The following SPMIP2 variants were observed in gnomAD, a reference collection of about 807,000 sequenced individuals.
The protein encoded by SPMIP2 is protein SPMIP2.
At chr4:159,079,607 G>A in the SPMIP2 span, among the ~76,000 whole-genome samples, 4 of 152,240 alleles carry the variant, frequency 2.6e-5, no homozygotes, top group African/African-American at 9.6e-5. Context: ...CTGTTTTCAT[G>A]GCAAATTGTT....
chr4:159,050,426 G>C, the SPMIP2 span, among the ~76,000 whole-genome samples: 1 of 151,924 alleles, frequency 6.6e-6, no homozygotes, highest in African/African-American at 2.4e-5. Context: ...GATGGGTTAG[G>C]AGTAAGGATC....
chr4:159,072,663 A>G, the SPMIP2 span, among the ~76,000 whole-genome samples: 4 of 151,854 alleles, frequency 2.6e-5, no homozygotes, highest in Non-Finnish European at 5.9e-5. Context: ...GGGTTTCGCC[A>G]TATTGCCTAG....
chr4:159,050,661 G>A, the SPMIP2 span, among the ~76,000 whole-genome samples: 50,161 of 151,522 alleles, frequency 0.33, 8,770 homozygotes, highest in East Asian at 0.65. Flanking sequence ...AATTAGCCAT[G>A]GTGTGTGCCT....
At chr4:158,981,623 G>A in the SPMIP2 span, among the ~76,000 whole-genome samples, 1 of 152,026 alleles carries the variant, frequency 6.6e-6, no homozygotes, top group African/African-American at 2.4e-5. Flanking sequence ...GTAAGTGAAG[G>A]AGAAATAAAA....
At chr4:158,972,952 C>T in the SPMIP2 span, 1 of 666,176 alleles carries the variant, frequency 1.5e-6, no homozygotes. Flanking sequence ...TGTCTTTCTG[C>T]AAAACTCAAA....
the SPMIP2 span, among the ~76,000 whole-genome samples, chr4:158,971,536 T>TA: frequency 6.6e-6 from 1 of 152,208 alleles, no homozygotes; most frequent in Non-Finnish European, 1.5e-5. Context: ...ATACTAAATT[T>TA]AATGAGTTAC....
chr4:158,997,229 G>A, the SPMIP2 span, among the ~76,000 whole-genome samples: 68 of 146,746 alleles, frequency 4.6e-4, no homozygotes, highest in African/African-American at 1.6e-3. Context: ...TTGTGAATAT[G>A]GCTTTTTTTT....
At chr4:158,997,922 G>T in the SPMIP2 span, among the ~76,000 whole-genome samples, 1 of 152,116 alleles carries the variant, frequency 6.6e-6, no homozygotes, top group Non-Finnish European at 1.5e-5. Flanking sequence ...CTCCCAAAGT[G>T]CTGGGATTAC....
the SPMIP2 span, among the ~76,000 whole-genome samples, chr4:159,066,497 AATGT>A: frequency 6.6e-6 from 1 of 151,606 alleles, no homozygotes; most frequent in Non-Finnish European, 1.5e-5. Context: ...GAATGTGTGG[AATGT>A]ATGTATGTGT....
the SPMIP2 span, among the ~76,000 whole-genome samples, chr4:159,062,230 T>C: frequency 3.3e-5 from 5 of 152,206 alleles, no homozygotes; most frequent in African/African-American, 4.8e-5. Context: ...AGTTACCTCT[T>C]GATTGTTCCC....
At chr4:159,081,136 C>T in the SPMIP2 span, among the ~76,000 whole-genome samples, 1 of 151,088 alleles carries the variant, frequency 6.6e-6, no homozygotes, top group Admixed American at 6.6e-5. Flanking sequence ...CTCCCGGGTT[C>T]AAGTGATTCT....
chr4:159,031,521 T>C, the SPMIP2 span, among the ~76,000 whole-genome samples: 2 of 152,220 alleles, frequency 1.3e-5, no homozygotes, highest in Non-Finnish European at 2.9e-5. Context: ...ATGCAATGTG[T>C]GTTGGATCCT....
At chr4:159,026,628 C>A in the SPMIP2 span, 1 of 322,358 alleles carries the variant, frequency 3.1e-6, no homozygotes. Context: ...TTACTGTGTT[C>A]AATTATCTTT....
At chr4:159,059,237 C>A in the SPMIP2 span, among the ~76,000 whole-genome samples, 1 of 152,178 alleles carries the variant, frequency 6.6e-6, no homozygotes, top group African/African-American at 2.4e-5. Context: ...GGGTTGAAGT[C>A]TATTTTTGTC....
chr4:159,031,992 C>T, the SPMIP2 span, among the ~76,000 whole-genome samples: 8 of 152,198 alleles, frequency 5.3e-5, no homozygotes, highest in African/African-American at 1.7e-4. Flanking sequence ...GAGGCTGAGG[C>T]GGGCAGATCA....
At chr4:159,038,019 C>G in the SPMIP2 span, among the ~76,000 whole-genome samples, 1 of 151,726 alleles carries the variant, frequency 6.6e-6, no homozygotes, top group East Asian at 1.9e-4. Context: ...CTGCAAAATG[C>G]ATTTACCAGT....
the SPMIP2 span, among the ~76,000 whole-genome samples, chr4:158,927,057 TG>T: frequency 6.6e-6 from 1 of 152,236 alleles, no homozygotes; most frequent in African/African-American, 2.4e-5. Context: ...CTATTATTGT[TG>T]AATTGTCTAT....
At chr4:158,971,367 GA>G in the SPMIP2 span, among the ~76,000 whole-genome samples, 1 of 152,146 alleles carries the variant, frequency 6.6e-6, no homozygotes, top group Non-Finnish European at 1.5e-5. Flanking sequence ...TGCCTAAGTG[GA>G]ATAGGACACA....
the SPMIP2 span, among the ~76,000 whole-genome samples, chr4:159,025,405 T>TC: frequency 1.3e-5 from 2 of 151,964 alleles, 1 homozygote; most frequent in South Asian, 4.2e-4. Flanking sequence ...GCTCAAGTGA[T>TC]CCCCCCACCT....
Sources: allele counts gnomAD v4.1 joint callset (sites outside exome capture counted in the v4.1 genomes callset), GRCh38; gene constraint gnomAD v4.1.1; transcripts MANE v1.5; gene names NCBI Gene and HGNC (gene_info 2026-07-23, HGNC 2026-07-21).